PRXL2A: variants seen among roughly 807,000 people sequenced by gnomAD.
PRXL2A encodes the protein peroxiredoxin-like 2A.
PRXL2A carries 26 observed loss-of-function variants against 25.6 expected under a neutral mutation model. That is an observed-to-expected ratio of 1.02 (90% CI 0.74 to 1.41). The LOEUF (loss-of-function observed/expected upper bound fraction) is 1.41. Ranked by LOEUF, PRXL2A falls within the 40% of genes most tolerant of loss-of-function variation. The pLI, the probability that PRXL2A is intolerant of heterozygous loss-of-function variation, is 0.00. For missense variants in PRXL2A, 246 were observed against 273.9 expected (o/e 0.90, Z 0.72); for synonymous variants, 98 against 102.9 (o/e 0.95, Z 0.29).
chr10:80,422,589 G>A (rs1485623798), intron 3 of PRXL2A, 81 bp downstream of exon 3: 11 of 1,091,820 alleles, frequency 1.0e-5, no homozygotes, highest in Middle Eastern at 2.0e-4. Flanking sequence ...ACCAAGGGTC[G>A]GTAAGCCAGC....
intron 1 of PRXL2A, chr10:80,419,869 A>G (rs1368650038): frequency 1.4e-5 from 7 of 489,260 alleles, no homozygotes; most frequent in Admixed American, 6.4e-5. Flanking sequence ...CTGCCTGCCT[A>G]TAATGAATGA....
chr10:80,413,742 C>A, intron 1 of PRXL2A: 1 of 677,924 alleles, frequency 1.5e-6, no homozygotes, highest in Non-Finnish European at 1.8e-6. Flanking sequence ...GTGGCCTGGT[C>A]CTGCCTATGG....
intron 1 of PRXL2A, chr10:80,413,824 C>A (rs1311978907): frequency 1.4e-5 from 16 of 1,175,542 alleles, no homozygotes; most frequent in African/African-American, 1.6e-5. Context: ...CGTCTGCTCA[C>A]CCCTGGATAT....
In PRXL2A at chr10:80,420,187, G is replaced by C. The variant is rs549534348; in HGVS notation, c.-2-279G>C. The C allele has an allele frequency of 2.4e-4, 255 of 1,078,188 alleles. No homozygotes were observed. In the African/African-American group the frequency reaches 3.6e-3, roughly 15 times the overall value. The allele number at this position is 1,078,188 out of a possible 1,614,324, so 66.8% of individuals were successfully genotyped here. The stretch of plus-strand genomic sequence containing the variant: ...ACTTGGGGCATGAGAAGAGAGAGCA[G>C]CAAGAGAACCATTTGAGAAGGCTGT... On this transcript the variant is annotated intron_variant, in intron 1 of 5. Coordinates refer to ENST00000606162, the MANE Select transcript of PRXL2A (RefSeq NM_032333.5).
rs374798585 is a variant in PRXL2A, at chr10:80,420,561, G to T, written c.94G>T (p.Ala32Ser). 106 of 1,613,946 alleles carry T rather than the reference G, an allele frequency of 6.6e-5. No homozygotes were observed. Among genetic ancestry groups the T allele is most frequent in the Non-Finnish European group, 8.9e-5 (105 of 1,179,974 alleles). The change falls in exon 2 of 6, where the codon GCC becomes TCC. Residue 32 changes from alanine to serine, a missense_variant. Transcript: ENST00000606162. Reference protein sequence around the residue: ...LGAAALALLLANTDVFLSKPQ... With the variant: ...LGAAALALLLSNTDVFLSKPQ... ...GGCTGCTGCCTTGGCATTGCTGCTT[G>T]CCAACACAGACGTGTTTCTGTCCAA... is the stretch of plus-strand genomic sequence containing the variant.
intron 4 of PRXL2A, among the ~76,000 whole-genome samples, chr10:80,426,879 C>G (rs924635302): frequency 2.6e-5 from 4 of 152,046 alleles, no homozygotes. Flanking sequence ...CATGGTGGCT[C>G]ATGCCTGTAA....
chr10:80,430,463 T>C (rs1242335605), intron 5 of PRXL2A, among the ~76,000 whole-genome samples: 2 of 152,126 alleles, frequency 1.3e-5, no homozygotes, highest in South Asian at 2.1e-4. Flanking sequence ...CTGGGCAACA[T>C]AGCAAAACCC....
intron 5 of PRXL2A, among the ~76,000 whole-genome samples, chr10:80,430,226 C>T (rs549327483): frequency 2.0e-4 from 31 of 151,346 alleles, no homozygotes; most frequent in Non-Finnish European, 3.7e-4. Flanking sequence ...CTCAGCCTCC[C>T]GAGTAGCTGG....
chr10:80,427,878 C>T (rs1157241548), intron 5 of PRXL2A, among the ~76,000 whole-genome samples: 3 of 152,150 alleles, frequency 2.0e-5, no homozygotes, highest in African/African-American at 7.2e-5. Flanking sequence ...GGTGGCACTG[C>T]TGGGGCCTGA....
intron 1 of PRXL2A, among the ~76,000 whole-genome samples, chr10:80,409,936 T>G (rs561223649): frequency 6.6e-6 from 1 of 152,348 alleles, no homozygotes; most frequent in Admixed American, 6.5e-5. Flanking sequence ...AAGTTAGATA[T>G]TATTCTTGGT....
At chr10:80,419,911 G>T (rs1009643523) in intron 1 of PRXL2A, 76 of 929,352 alleles carry the variant, frequency 8.2e-5, no homozygotes, top group Non-Finnish European at 9.6e-5. Context: ...GGGGCTTGAT[G>T]AGTAGGATAT....
rs995666829 is a variant in PRXL2A at position 80,432,684 on chromosome 10, A to G, written c.*585A>G. On this transcript the variant is annotated 3_prime_UTR_variant, in exon 6 of 6. Transcript: ENST00000606162. ...GATTGCTGTGCCTCATTACAAATGCATATGATGTTTGAGTGCTGTTGTTTG... is the reference window on the plus strand; with the variant it reads ...GATTGCTGTGCCTCATTACAAATGCGTATGATGTTTGAGTGCTGTTGTTTG... 6.6e-6 allele frequency: 1 copy of G among 151,572 alleles called. No individual in the cohort carries two copies. Among genetic ancestry groups the G allele is most frequent in the Admixed American group, 6.6e-5 (1 of 15,190 alleles). The allele number at this position is 151,572 out of a possible 1,614,324, so 9.4% of individuals were successfully genotyped here.
chr10:80,425,426 A>G (rs184626580), intron 3 of PRXL2A, among the ~76,000 whole-genome samples: 1 of 152,366 alleles, frequency 6.6e-6, no homozygotes, highest in Non-Finnish European at 1.5e-5. Flanking sequence ...TAGTGGTAAC[A>G]TGCAGACTCA....
In PRXL2A at chr10:80,408,859, G is replaced by A. The variant is rs1193120891; in HGVS notation, c.-3+216G>A. On this transcript the variant is annotated intron_variant, in intron 1 of 5. Coordinates refer to ENST00000606162, the MANE Select transcript of PRXL2A (RefSeq NM_032333.5). ...GACCCTTCCGCCACCCTGCGTGGCG[G>A]CCGATGGAAAAACCCTGCGCCCAGA... Among the ~76,000 whole-genome samples the A allele has an allele frequency of 3.3e-5, 5 of 152,210 alleles. No homozygotes were observed. The East Asian group carries it at 9.7e-4, about 29-fold the overall frequency.
At chr10:80,413,580 G>A (rs1469240784) in intron 1 of PRXL2A, among the ~76,000 whole-genome samples, 1 of 152,236 alleles carries the variant, frequency 6.6e-6, no homozygotes, top group Non-Finnish European at 1.5e-5. Context: ...GAGGAGTCTG[G>A]TGGCACTTGG....
intron 3 of PRXL2A, among the ~76,000 whole-genome samples, chr10:80,424,097 C>A (rs1844952483): frequency 6.6e-6 from 1 of 152,176 alleles, no homozygotes; most frequent in African/African-American, 2.4e-5. Context: ...CTGTTTCCCT[C>A]TGTACTGGTC....
chr10:80,423,623 C>T (rs1844937705), intron 3 of PRXL2A, among the ~76,000 whole-genome samples: 1 of 152,236 alleles, frequency 6.6e-6, no homozygotes, highest in South Asian at 2.1e-4. Context: ...ACCCCCAGGG[C>T]ACTGTGTGCC....
In PRXL2A at chr10:80,427,290, A is replaced by G. The variant is rs779365337; in HGVS notation, c.412-42A>G. 5 of 1,580,146 alleles carry G rather than the reference A, an allele frequency of 3.2e-6. No homozygotes were observed. In the African/African-American group the frequency reaches 5.4e-5, roughly 17 times the overall value. ...CGTTTCCTCCTTGAGGAAGGCAGGC[A>G]TGTAGAGTACTCATATGGGATCTGT... On this transcript the variant is annotated intron_variant, in intron 4 of 5. Transcript: ENST00000606162.
rs930042188 is a variant in PRXL2A at position 80,436,438 on chromosome 10, T to G, written c.*4339T>G. On this transcript the variant is annotated 3_prime_UTR_variant, in exon 6 of 6. Transcript: ENST00000606162. ...GGCCAACAATATTTCTTAAAGCTCC[T>G]GGAGTGATTCCAATATGCAGCCAAG... 1 of 152,246 alleles carries G rather than the reference T, an allele frequency of 6.6e-6. No homozygotes were observed. Among genetic ancestry groups the G allele is most frequent in the African/African-American group, 2.4e-5 (1 of 41,424 alleles). The allele number at this position is 152,246 out of a possible 1,614,324, so 9.4% of individuals were successfully genotyped here. A position where few individuals can be genotyped will look rare whatever the true frequency, so the allele number is the denominator to read the frequency against.
Sources: gnomAD v4.1 joint callset for allele counts (sites outside exome capture counted in the v4.1 genomes callset) on GRCh38, gnomAD v4.1.1 for gene constraint, MANE v1.5 for transcripts, NCBI Gene and HGNC (gene_info 2026-07-23, HGNC 2026-07-21) for gene names.